The following SUMF1 variants were observed in gnomAD, a reference collection of about 807,000 sequenced individuals.
The protein encoded by SUMF1 is formylglycine-generating enzyme.
A neutral mutation model predicts 47.6 loss-of-function variants in SUMF1; 48 were observed. The ratio of observed to expected loss-of-function variants is 1.01; its 90% CI spans 0.80 to 1.28. The LOEUF is 1.28. Ranked by LOEUF, SUMF1 falls within the 50% of genes most tolerant of loss-of-function variation. SUMF1 has a pLI of 0.00. For missense variants in SUMF1, 571 were observed against 485.4 expected (o/e 1.18, Z -1.66); for synonymous variants, 230 against 192.1 (o/e 1.20, Z -1.63).
At chr3:4,048,640 T>C (rs1324607473) in intron 9 of SUMF1, among the ~76,000 whole-genome samples, 3 of 152,140 alleles carry the variant, frequency 2.0e-5, no homozygotes, top group Non-Finnish European at 4.4e-5. Flanking sequence ...TTTCCTTTTT[T>C]AGGCCCTAAC....
At chr3:4,440,400 AATT>A (rs1702546494) in intron 3 of SUMF1, among the ~76,000 whole-genome samples, 1 of 152,190 alleles carries the variant, frequency 6.6e-6, no homozygotes, top group Admixed American at 6.5e-5. Context: ...CTTTTCTAAA[AATT>A]ATTTTGGGGA....
chr3:4,225,948 G>C (rs1378581372), intron 8 of SUMF1, among the ~76,000 whole-genome samples: 3 of 152,082 alleles, frequency 2.0e-5, no homozygotes, highest in Non-Finnish European at 4.4e-5. Flanking sequence ...GTAGGATGGA[G>C]AGCCCATCAG....
chr3:4,105,696 T>A (rs954619717), intron 8 of SUMF1, among the ~76,000 whole-genome samples: 1 of 152,092 alleles, frequency 6.6e-6, no homozygotes, highest in Non-Finnish European at 1.5e-5. Context: ...AACTAAAATT[T>A]TTTTGTTAAA....
intron 8 of SUMF1, among the ~76,000 whole-genome samples, chr3:4,350,075 A>G (rs966557873): frequency 2.7e-5 from 4 of 150,184 alleles, no homozygotes; most frequent in African/African-American, 4.9e-5. Context: ...ATCTTGGGTC[A>G]CTGCAACCTC....
intron 8 of SUMF1, among the ~76,000 whole-genome samples, chr3:4,088,423 T>C (rs1281060239): frequency 6.6e-6 from 1 of 152,090 alleles, no homozygotes; most frequent in Non-Finnish European, 1.5e-5. Context: ...TATGCACCTT[T>C]ATCTTCTCCA....
chr3:4,077,454 C>T (rs1304672254), intron 8 of SUMF1, among the ~76,000 whole-genome samples: 1 of 152,124 alleles, frequency 6.6e-6, no homozygotes, highest in Non-Finnish European at 1.5e-5. Flanking sequence ...GGCACATACA[C>T]ACCATGGAAT....
rs942693537 is a variant in SUMF1, at chr3:4,335,701, T to C, written c.1014+40629A>G. Among the ~76,000 whole-genome samples, 3 of 152,042 alleles carry C rather than the reference T, an allele frequency of 2.0e-5. No homozygotes were observed. In the East Asian group the frequency reaches 5.8e-4, roughly 29 times the overall value. ...GGCTCACACCTGTAATCCCAGCACTTTGGGAGGCCAAGGCGGACAGATCAC... is the reference window on the plus strand; with the variant it reads ...GGCTCACACCTGTAATCCCAGCACTCTGGGAGGCCAAGGCGGACAGATCAC... On this transcript the variant is annotated intron_variant and NMD_transcript_variant, in intron 8 of 12. Coordinates refer to the SUMF1 transcript ENST00000448413.
At chr3:4,151,511 G>GTGTATATATACGTATATATGTGTATATA (rs1694331648) in intron 8 of SUMF1, among the ~76,000 whole-genome samples, 1 of 142,900 alleles carries the variant, frequency 7.0e-6, no homozygotes, top group African/African-American at 2.7e-5. Flanking sequence ...ATGTGTATAT[G>GTGTATATATACGTATATATGTGTATATA]TATACGTATA....
intron 8 of SUMF1, among the ~76,000 whole-genome samples, chr3:4,086,907 A>G (rs557367754): frequency 4.6e-5 from 7 of 152,178 alleles, no homozygotes; most frequent in Non-Finnish European, 7.4e-5. Flanking sequence ...CACCATGATT[A>G]TGAGGCCTCC....
intron 8 of SUMF1, among the ~76,000 whole-genome samples, chr3:4,226,894 C>A (rs1385814347): frequency 6.6e-6 from 1 of 151,960 alleles, no homozygotes; most frequent in Admixed American, 6.6e-5. Flanking sequence ...GTCCCCTACT[C>A]CAGTGGTTCT....
At chr3:4,379,781 G>T (rs1475204840) in intron 7 of SUMF1, among the ~76,000 whole-genome samples, 1 of 142,124 alleles carries the variant, frequency 7.0e-6, no homozygotes, top group Non-Finnish European at 1.5e-5. Context: ...GGCGGAGGTT[G>T]CAGTGAGCCG....
chr3:4,228,429 G>C (rs1014074192), intron 8 of SUMF1, among the ~76,000 whole-genome samples: 1 of 151,848 alleles, frequency 6.6e-6, no homozygotes, highest in African/African-American at 2.4e-5. Flanking sequence ...GATGGCAAGT[G>C]ACAGAATACT....
At chr3:4,280,826 T>TGC in intron 8 of SUMF1, among the ~76,000 whole-genome samples, 1 of 29,284 alleles carries the variant, frequency 3.4e-5, no homozygotes, top group Non-Finnish European at 6.4e-5. Context: ...TGTGTGTGTG[T>TGC]GTGTGTGTGT....
chr3:4,439,111 T>C (rs1267207153), intron 3 of SUMF1, among the ~76,000 whole-genome samples: 2 of 152,216 alleles, frequency 1.3e-5, no homozygotes, highest in Admixed American at 6.5e-5. Flanking sequence ...ACTATAACAC[T>C]TGTGGAACTA....
chr3:4,436,823 C>A (rs1702415577), intron 3 of SUMF1, among the ~76,000 whole-genome samples: 1 of 147,598 alleles, frequency 6.8e-6, no homozygotes. Context: ...CAGGAGATAA[C>A]CTTAAAATCA....
In SUMF1 at chr3:4,306,179, G is replaced by A. The variant is rs550939446; in HGVS notation, c.1014+70151C>T. On this transcript the variant is annotated intron_variant and NMD_transcript_variant, in intron 8 of 12. Coordinates refer to the SUMF1 transcript ENST00000448413. ...GCGTTTGAGACTATTCTATAAATCT[G>A]TTTCCAATCTTGAGTCATATTTTTC... 3.9e-5 allele frequency among the ~76,000 whole-genome samples: 6 copies of A among 152,192 alleles called. No individual in the cohort carries two copies. The East Asian group carries it at 9.7e-4, about 25-fold the overall frequency.
intron 8 of SUMF1, among the ~76,000 whole-genome samples, chr3:4,137,107 C>A (rs1363003676): frequency 6.6e-6 from 1 of 151,982 alleles, no homozygotes; most frequent in Non-Finnish European, 1.5e-5. Context: ...TTTGACCCAG[C>A]CATCCCAATA....
chr3:4,243,345 T>C (rs1479348933), intron 8 of SUMF1, among the ~76,000 whole-genome samples: 2 of 152,218 alleles, frequency 1.3e-5, no homozygotes, highest in Non-Finnish European at 2.9e-5. Context: ...TTCTTTTAAT[T>C]GTAGTGTTAG....
chr3:4,363,240 A>T (rs1174593312), intron 8 of SUMF1, among the ~76,000 whole-genome samples: 1 of 152,176 alleles, frequency 6.6e-6, no homozygotes, highest in African/African-American at 2.4e-5. Flanking sequence ...GATATTATTT[A>T]TTATCTAAAT....
Sources: gnomAD v4.1 joint callset for allele counts (sites outside exome capture counted in the v4.1 genomes callset) on GRCh38, gnomAD v4.1.1 for gene constraint, MANE v1.5 for transcripts, NCBI Gene and HGNC (gene_info 2026-07-23, HGNC 2026-07-21) for gene names.